GGA1: variants seen among roughly 807,000 people sequenced by gnomAD.
GGA1 encodes the protein ADP-ribosylation factor-binding protein GGA1.
In GGA1, 18 loss-of-function variants were observed where a neutral mutation model predicts 76.9. That is an observed-to-expected ratio of 0.23 (90% confidence interval 0.16 to 0.35). GGA1 has a LOEUF of 0.35. Ranked by LOEUF, GGA1 falls within the 10% of genes least tolerant of loss-of-function variation. The pLI is 1.00. For missense variants in GGA1, 755 were observed against 859.0 expected, an observed-to-expected ratio of 0.88 and a Z score of 1.51; for synonymous variants, 342 against 354.7, an observed-to-expected ratio of 0.96 and a Z score of 0.40.
rs1419016197 is a variant in GGA1, at chr22:37,631,991, C to G, written c.1529-5C>G. The G allele has an allele frequency of 5.6e-6, 9 of 1,599,834 alleles. No homozygotes were observed. The highest frequency in any genetic ancestry group is 2.2e-5 in the South Asian group (2 of 90,584). On this transcript the variant is annotated splice_region_variant and splice_polypyrimidine_tract_variant and intron_variant, in intron 14 of 16. Coordinates refer to ENST00000343632, the MANE Select transcript of GGA1 (RefSeq NM_013365.5). ...GTCCCATCGCCCTCCCACCTTCTCC[C>G]ACAGGCAACATCCTGCCCGTGACTG... is the stretch of plus-strand genomic sequence containing the variant.
At position 37,625,161 on chromosome 22, in the gene GGA1, C is replaced by T. The variant is rs896616933; in HGVS notation, c.940+85C>T. On this transcript the variant is annotated intron_variant, in intron 10 of 16. Coordinates refer to ENST00000343632, the MANE Select transcript of GGA1 (RefSeq NM_013365.5). This position sits in a 1 kb window ranked among gnomAD's most constrained non-coding sequence, Gnocchi z 4.1. ...GCAGGGTGGTGTGCTGGTCTCAGAG[C>T]GGCTGGAATGACTGCCAGGGTGACC... 40 of 1,250,414 alleles carry T rather than the reference C, an allele frequency of 3.2e-5. No homozygotes were observed. The highest frequency in any genetic ancestry group is 2.6e-4 in the Middle Eastern group (1 of 3,794). The allele number at this position is 1,250,414 out of a possible 1,614,324, so 77.5% of individuals were successfully genotyped here.
chr22:37,631,246 C>A, intron 14 of GGA1, 147 bp downstream of exon 14: 1 of 604,638 alleles, frequency 1.7e-6, no homozygotes, highest in Non-Finnish European at 2.8e-6. Context: ...AGGCCCTCCC[C>A]TTCCCAGGAG....
intron 1 of GGA1, 171 bp downstream of exon 1, chr22:37,609,074 C>G (rs1031411776): frequency 8.7e-6 from 13 of 1,490,952 alleles, no homozygotes; most frequent in Non-Finnish European, 1.2e-5. Context: ...GATGGAGGAC[C>G]CCGGCCCCGG....
Position 37,621,604 on chromosome 22 carries a change from C to G in GGA1, c.529-12C>G. The G allele has an allele frequency of 6.5e-7, 1 of 1,544,594 alleles. No homozygotes were observed. The highest frequency in any genetic ancestry group is 8.8e-7 in the Non-Finnish European group (1 of 1,140,746). On this transcript the variant is annotated splice_polypyrimidine_tract_variant and intron_variant, in intron 6 of 16. Coordinates refer to ENST00000343632, the MANE Select transcript of GGA1 (RefSeq NM_013365.5). Reference sequence around the variant, plus strand: ...GTGCTGCCCTCACGGTCACACCCCTCTGTCTCTGCAGATGCTGGCCCGCCT... The same window carrying G: ...GTGCTGCCCTCACGGTCACACCCCTGTGTCTCTGCAGATGCTGGCCCGCCT...
intron 1 of GGA1, 196 bp downstream of exon 1, chr22:37,609,099 G>A: frequency 6.7e-7 from 1 of 1,489,162 alleles, no homozygotes. Context: ...GTCCAGCGGT[G>A]GGAGCGGGCG....
intron 1 of GGA1, among the ~76,000 whole-genome samples, chr22:37,613,652 G>C (rs886354855): frequency 1.3e-5 from 2 of 151,990 alleles, no homozygotes; most frequent in African/African-American, 4.8e-5. Context: ...ACCCACCTCA[G>C]CCTCCCAAAG....
chr22:37,623,316 T>C lies in GGA1; in HGVS notation c.610-11T>C, dbSNP rs1568984618. 6.2e-7 allele frequency: 1 copy of C among 1,613,638 alleles called. No homozygotes were observed. Among genetic ancestry groups the C allele is most frequent in the African/African-American group, 1.3e-5 (1 of 74,922 alleles). On this transcript the variant is annotated splice_polypyrimidine_tract_variant and intron_variant, in intron 7 of 16. Transcript: ENST00000343632. The surrounding 1 kb of genome is among the most constrained non-coding windows in gnomAD (Gnocchi z 4.6). ...AAGGTTCTCAGGGGCCCTTGGCCAA[T>C]GTGTCCCCAGGACCAGAAGCGGATG... is the stretch of plus-strand genomic sequence containing the variant.
chr22:37,610,053 GC>G (rs1927220180), intron 1 of GGA1: 3 of 152,460 alleles, frequency 2.0e-5, no homozygotes, highest in Admixed American at 1.3e-4. Flanking sequence ...GGAAGTGTCC[GC>G]CTGGGTCTCA....
In GGA1 at chr22:37,621,652, G is replaced by T; in HGVS notation, c.565G>T (p.Asp189Tyr). The T allele has an allele frequency of 1.3e-6, 2 of 1,554,946 alleles. No individual in the cohort carries two copies. Among genetic ancestry groups the T allele is most frequent in the South Asian group, 2.4e-5 (2 of 84,212 alleles). Residue 189 changes from aspartate (D) to tyrosine (Y), a missense_variant, in exon 7 of 17, where the codon GAC becomes TAC. Asp to Tyr is a radical substitution (Grantham distance 160). Coordinates refer to ENST00000343632, the MANE Select transcript of GGA1 (RefSeq NM_013365.5). ...CCTGCTGAAGAGCTCCCATCCCGAA[G>T]ACCTCCGCGCAGCCAATAAGCTCAT... ...ARLLKSSHPE[D>Y]LRAANKLIKE...
At chr22:37,609,157 G>A in intron 1 of GGA1, 1 of 1,447,518 alleles carries the variant, frequency 6.9e-7, no homozygotes, top group Non-Finnish European at 9.2e-7. Flanking sequence ...GACGGCGAGT[G>A]AGCTGCGCCG....
rs200163567 is a variant in GGA1, at chr22:37,623,670, C to T, written c.832+37C>T. The T allele has an allele frequency of 1.0e-4, 139 of 1,378,110 alleles. 1 individual carries two copies. The highest frequency in any genetic ancestry group is 6.1e-4 in the Admixed American group (31 of 50,838). The allele number at this position is 1,378,110 out of a possible 1,614,324, so 85.4% of individuals were successfully genotyped here. The stretch of plus-strand genomic sequence containing the variant: ...GCAGGTGCTGAGGTCAGGTCCCCCC[C>T]TCTCCCTCCACCTCCTGCCCCCACC... On this transcript the variant is annotated intron_variant, in intron 9 of 16. Transcript: ENST00000343632. This position sits in a 1 kb window ranked among gnomAD's most constrained non-coding sequence, Gnocchi z 4.6.
intron 1 of GGA1, 170 bp from the exon 2 acceptor site, chr22:37,614,020 C>T (rs553158820): frequency 6.6e-6 from 4 of 610,000 alleles, no homozygotes; most frequent in South Asian, 3.6e-5. Context: ...TGTCTGTCTA[C>T]ACCCACAATC....
intron 1 of GGA1, chr22:37,609,451 G>A (rs949845410): frequency 2.7e-5 from 11 of 408,798 alleles, no homozygotes; most frequent in Non-Finnish European, 2.8e-5. Flanking sequence ...TAGCCACATA[G>A]TGAGAAACCC....
intron 1 of GGA1, among the ~76,000 whole-genome samples, chr22:37,613,551 C>T (rs1302894987): frequency 6.6e-6 from 1 of 152,146 alleles, no homozygotes; most frequent in African/African-American, 2.4e-5. Context: ...CAGGCACCCA[C>T]CACCAAGCCC....
At position 37,624,669 on chromosome 22, in the gene GGA1, G is replaced by A. The variant is rs1402706742; in HGVS notation, c.833-300G>A. 5.9e-6 allele frequency: 2 copies of A among 339,724 alleles called. No individual in the cohort carries two copies. Among genetic ancestry groups the A allele is most frequent in the Non-Finnish European group, 1.2e-5 (2 of 171,736 alleles). The allele number at this position is 339,724 out of a possible 1,614,324, so 21.0% of individuals were successfully genotyped here. ...AGACCTGAAGGCAGTAAGGGATGAA[G>A]CCATGCAGAGATCTGGGGCAGCCAG... is the stretch of plus-strand genomic sequence containing the variant. On this transcript the variant is annotated intron_variant, in intron 9 of 16. Transcript: ENST00000343632. This position sits in a 1 kb window ranked among gnomAD's most constrained non-coding sequence, Gnocchi z 4.3.
chr22:37,630,183 C>A lies in GGA1; in HGVS notation c.1331+13C>A. 1 of 1,545,730 alleles carries A rather than the reference C, an allele frequency of 6.5e-7. No homozygotes were observed. Among genetic ancestry groups the A allele is most frequent in the Non-Finnish European group, 8.7e-7 (1 of 1,146,100 alleles). On this transcript the variant is annotated intron_variant, in intron 13 of 16. Coordinates refer to ENST00000343632, the MANE Select transcript of GGA1 (RefSeq NM_013365.5). ...AGCAAGTGCGGTGGTGAGGGCCCAC[C>A]ATGGCTGGCATGGGGTGGGGAGCAC...
At chr22:37,617,297 C>T in intron 3 of GGA1, 1 of 1,296,700 alleles carries the variant, frequency 7.7e-7, no homozygotes, top group Non-Finnish European at 9.8e-7. Flanking sequence ...GTGTTCAACA[C>T]ATGGAATCAG....
intron 1 of GGA1, among the ~76,000 whole-genome samples, chr22:37,611,584 G>T (rs972086737): frequency 2.0e-5 from 3 of 152,192 alleles, no homozygotes; most frequent in African/African-American, 7.2e-5. Flanking sequence ...ATGAATGGCG[G>T]CCAGCCACTG....
chr22:37,620,414 C>T, intron 5 of GGA1, 53 bp downstream of exon 5: 2 of 1,597,182 alleles, frequency 1.3e-6, no homozygotes, highest in Admixed American at 3.3e-5. Flanking sequence ...CCCTCCCCCA[C>T]CATGAGCTGG....
Sources: gnomAD v4.1 joint callset for allele counts (sites outside exome capture counted in the v4.1 genomes callset) on GRCh38, gnomAD v4.1.1 for gene constraint, Gnocchi (gnomAD v3.1) non-coding constraint, MANE v1.5 for transcripts, NCBI Gene and HGNC (gene_info 2026-07-23, HGNC 2026-07-21) for gene names.